Variants in RPTOR observed in about 807,000 individuals in gnomAD.
The protein encoded by RPTOR is regulatory associated protein of MTOR complex 1.
Under a neutral mutation model 169.9 loss-of-function variants are expected in RPTOR, and 21 were observed. The observed-to-expected ratio is 0.12, with a 90% CI of 0.09 to 0.18. RPTOR has a LOEUF of 0.18. Among genes scored for constraint, RPTOR ranks in the 10% least tolerant of loss-of-function variants. RPTOR has a pLI of 1.00. For missense variants in RPTOR, 1,133 were observed against 1,855.9 expected, an observed-to-expected ratio of 0.61 and a Z score of 7.16; for synonymous variants, 732 against 753.2, an observed-to-expected ratio of 0.97 and a Z score of 0.46.
At chr17:80,854,360 A>C (rs2067829085) in intron 11 of RPTOR, among the ~76,000 whole-genome samples, 1 of 152,246 alleles carries the variant, frequency 6.6e-6, no homozygotes, top group Non-Finnish European at 1.5e-5. Flanking sequence ...CAGCGACGTT[A>C]ACTTGCCCAG....
At chr17:80,738,496 T>TA (rs1316666421) in intron 5 of RPTOR, among the ~76,000 whole-genome samples, 4 of 148,772 alleles carry the variant, frequency 2.7e-5, no homozygotes, top group Non-Finnish European at 4.4e-5. Context: ...TAAGAACCCT[T>TA]ACCGCTGATG....
intron 11 of RPTOR, among the ~76,000 whole-genome samples, chr17:80,849,542 T>C (rs2067770608): frequency 6.6e-6 from 1 of 152,208 alleles, no homozygotes; most frequent in Non-Finnish European, 1.5e-5. Flanking sequence ...TTTTTTGAGA[T>C]GGAGTCTCAC....
chr17:80,660,312 G>GAGTA (rs1463745012), intron 3 of RPTOR, among the ~76,000 whole-genome samples: 1 of 151,682 alleles, frequency 6.6e-6, no homozygotes, highest in Non-Finnish European at 1.5e-5. Flanking sequence ...AAACATGTCT[G>GAGTA]AGTAAGTTGA....
rs1301434812 is a variant in RPTOR, at chr17:80,860,910, C to T, written c.1509+3010C>T. 9.4e-6 allele frequency among the ~76,000 whole-genome samples: 1 copy of T among 105,868 alleles called. No homozygotes were observed. Among genetic ancestry groups the T allele is most frequent in the African/African-American group, 2.7e-5 (1 of 37,030 alleles). The allele number at this position is 105,868 out of a possible 152,430, so 69.5% of individuals were successfully genotyped here. On this transcript the variant is annotated intron_variant, in intron 13 of 33. Coordinates refer to ENST00000306801, the MANE Select transcript of RPTOR (RefSeq NM_020761.3). The surrounding 1 kb of genome is among the most constrained non-coding windows in gnomAD (Gnocchi z 5.8). The stretch of plus-strand genomic sequence containing the variant: ...TGCTCCTGATTTCCTGAGCTGGATG[C>T]GGGGAGCTGCTGCTCTTCCTCTCAG...
At chr17:80,831,371 T>C (rs2067501813) in intron 9 of RPTOR, among the ~76,000 whole-genome samples, 1 of 152,226 alleles carries the variant, frequency 6.6e-6, no homozygotes, top group African/African-American at 2.4e-5. Flanking sequence ...GAGTCCGTTA[T>C]TGCAGAATTT....
At chr17:80,919,285 C>A (rs2068716658) in intron 21 of RPTOR, among the ~76,000 whole-genome samples, 1 of 152,164 alleles carries the variant, frequency 6.6e-6, no homozygotes, top group South Asian at 2.1e-4. Context: ...GGTTTCTTCT[C>A]CCCCACCAAG....
At chr17:80,638,865 A>G (rs868697184) in intron 2 of RPTOR, among the ~76,000 whole-genome samples, 1 of 152,178 alleles carries the variant, frequency 6.6e-6, no homozygotes, top group South Asian at 2.1e-4. Context: ...TTTTGTAGCT[A>G]TGTGAGGAGT....
chr17:80,768,357 A>G (rs1383732679), intron 6 of RPTOR, among the ~76,000 whole-genome samples: 1 of 152,156 alleles, frequency 6.6e-6, no homozygotes, highest in Non-Finnish European at 1.5e-5. Context: ...TGAGAGTTTG[A>G]ATGCATCCGT....
chr17:80,556,691 C>T (rs1442029622), intron 1 of RPTOR, among the ~76,000 whole-genome samples: 4 of 151,770 alleles, frequency 2.6e-5, no homozygotes, highest in Non-Finnish European at 2.9e-5. Context: ...GGTACAGTTC[C>T]GCTCTTTTTA....
intron 24 of RPTOR, among the ~76,000 whole-genome samples, chr17:80,930,219 T>TCATCCC (rs2068863959): frequency 1.9e-4 from 5 of 25,874 alleles, no homozygotes; most frequent in Admixed American, 4.3e-4. Context: ...CAGCTCATCC[T>TCATCCC]CAGCTCATCC....
chr17:80,822,544 C>T (rs1055873897), intron 8 of RPTOR, among the ~76,000 whole-genome samples: 10 of 152,210 alleles, frequency 6.6e-5, no homozygotes, highest in Non-Finnish European at 1.0e-4. Flanking sequence ...TGGCCCTGAC[C>T]GGTGCACAGC....
chr17:80,964,698 C>T lies in RPTOR; in HGVS notation c.*368C>T, dbSNP rs3751934. 3 of 299,950 alleles carry T rather than the reference C, an allele frequency of 1.0e-5. No homozygotes were observed. The highest frequency in any genetic ancestry group is 1.9e-5 in the Non-Finnish European group (3 of 157,614). The allele number at this position is 299,950 out of a possible 1,614,324, so 18.6% of individuals were successfully genotyped here. A position where few individuals can be genotyped will look rare whatever the true frequency, so the allele number is the denominator to read the frequency against. ...GAGCATTAGCTGCAGAAAAACCCCC[C>T]GACAGAGCCCTGGCGGAGAGGCAGG... On this transcript the variant is annotated 3_prime_UTR_variant, in exon 34 of 34. Coordinates refer to ENST00000306801, the MANE Select transcript of RPTOR (RefSeq NM_020761.3).
intron 24 of RPTOR, 143 bp from the exon 25 acceptor site, chr17:80,940,353 C>T (rs1328458867): frequency 4.5e-5 from 28 of 625,570 alleles, no homozygotes; most frequent in Middle Eastern, 3.5e-4. Context: ...TCTGCTTGTA[C>T]GCAGATGCCA....
chr17:80,930,336 G>T (rs2068870759), intron 24 of RPTOR, among the ~76,000 whole-genome samples: 1 of 44,266 alleles, frequency 2.3e-5, no homozygotes, highest in Admixed American at 2.9e-4. Context: ...CTCATCCTCA[G>T]CTCATCCTCA....
chr17:80,927,610 C>G (rs4969307), intron 24 of RPTOR, among the ~76,000 whole-genome samples: 34 of 2,686 alleles, frequency 0.013, no homozygotes, highest in Middle Eastern at 0.083. Context: ...GTGTGTGTGT[C>G]TGTCTGTCTG....
intron 6 of RPTOR, among the ~76,000 whole-genome samples, chr17:80,760,303 T>TTC (rs1555615940): frequency 5.2e-5 from 7 of 135,546 alleles, no homozygotes; most frequent in East Asian, 2.1e-4. Context: ...CTTTTTTCTT[T>TTC]TTTCTTTTTT....
rs781478174 is a variant in RPTOR at position 80,936,141 on chromosome 17, C to T, written c.2920-4355C>T. On this transcript the variant is annotated intron_variant, in intron 24 of 33. Transcript: ENST00000306801. The surrounding 1 kb of genome is among the most constrained non-coding windows in gnomAD (Gnocchi z 4.1). ...TAAGGATCTTAATCACGGGAAAGTA[C>T]GGACCCCTGCAGTGAGATCCCACTA... 5.3e-5 allele frequency among the ~76,000 whole-genome samples: 8 copies of T among 152,156 alleles called. No homozygotes were observed. Among genetic ancestry groups the T allele is most frequent in the East Asian group, 1.9e-4 (1 of 5,200 alleles).
intron 10 of RPTOR, among the ~76,000 whole-genome samples, chr17:80,846,119 C>G (rs1002159404): frequency 1.3e-5 from 2 of 152,252 alleles, no homozygotes; most frequent in African/African-American, 4.8e-5. Context: ...CACGGGGTCC[C>G]CTGCCCCCGG....
chr17:80,927,559 C>G (rs1265905085), intron 24 of RPTOR, among the ~76,000 whole-genome samples: 2 of 151,986 alleles, frequency 1.3e-5, no homozygotes. Context: ...TACACAGCAG[C>G]TGATTGCAGG....
Sources: gnomAD v4.1 joint callset for allele counts (sites outside exome capture counted in the v4.1 genomes callset) on GRCh38, gnomAD v4.1.1 for gene constraint, Gnocchi (gnomAD v3.1) non-coding constraint, MANE v1.5 for transcripts, NCBI Gene and HGNC (gene_info 2026-07-23, HGNC 2026-07-21) for gene names.